Variants in BTN3A1 observed in about 807,000 individuals in gnomAD.
BTN3A1 encodes the protein dJ45P21.3 (butyrophilin, subfamily 3, member A1).
A neutral mutation model predicts 43.0 loss-of-function variants in BTN3A1; 24 were observed. That is an observed-to-expected ratio of 0.56 (90% CI 0.40 to 0.78). BTN3A1 has a LOEUF of 0.78. Ranked by LOEUF, BTN3A1 falls within the 30% of genes least tolerant of loss-of-function variation. The pLI, the probability that BTN3A1 is intolerant of heterozygous loss-of-function variation, is 0.00. For missense variants in BTN3A1, 533 were observed against 626.2 expected (o/e 0.85, Z 1.59); for synonymous variants, 181 against 234.7 (o/e 0.77, Z 2.09).
At chr6:26,405,261 TG>T in intron 1 of BTN3A1, 110 bp from the exon 2 acceptor site, 1 of 440,440 alleles carries the variant, frequency 2.3e-6, no homozygotes, top group Non-Finnish European at 4.2e-6. Flanking sequence ...GGGTTGGACT[TG>T]GCAGGGGAAG....
intron 9 of BTN3A1, chr6:26,412,229 A>C: frequency 3.5e-6 from 2 of 573,484 alleles, no homozygotes; most frequent in Non-Finnish European, 6.4e-6. Context: ...CCACTCCTAC[A>C]CTGGGACGGC....
At chr6:26,410,304 C>T (rs924194422) in intron 7 of BTN3A1, among the ~76,000 whole-genome samples, 1 of 151,782 alleles carries the variant, frequency 6.6e-6, no homozygotes, top group African/African-American at 2.4e-5. Flanking sequence ...CAGCTGGTCT[C>T]GAAGAAAAGA....
chr6:26,405,909 C>T lies in BTN3A1; in HGVS notation c.86C>T (p.Ala29Val). The change falls in exon 3 of 10, where the codon GCT becomes GTT. Residue 29 changes from alanine (A) to valine (V), a missense_variant and splice_region_variant. This residue lies in a region of BTN3A1 where 56 missense variants were observed against 67.1 expected (regional missense o/e 0.83). Coordinates refer to ENST00000289361, the MANE Select transcript of BTN3A1 (RefSeq NM_007048.6). ...CAGATCCTCCCCCTTGTGCCTACAG[C>T]TCAGTTTTCTGTGCTTGGACCCTCT... ...LLLQLLMPHS[A>V]QFSVLGPSGP... The T allele has an allele frequency of 6.2e-7, 1 of 1,613,768 alleles. No individual in the cohort carries two copies. The highest frequency in any genetic ancestry group is 8.5e-7 in the Non-Finnish European group (1 of 1,179,708).
At position 26,407,683 on chromosome 6, in the gene BTN3A1, A is replaced by G. The variant is rs996134212; in HGVS notation, c.446A>G (p.Asp149Gly). 6.2e-7 allele frequency: 1 copy of G among 1,614,172 alleles called. No individual in the cohort carries two copies. The highest frequency in any genetic ancestry group is 8.5e-7 in the Non-Finnish European group (1 of 1,180,028). Reference sequence around the variant, plus strand: ...CATCCTTCCACAGCACTGGGTTCTGATCTTCACGTTGATGTGAAGGGTTAC... The same window carrying G: ...CATCCTTCCACAGCACTGGGTTCTGGTCTTCACGTTGATGTGAAGGGTTAC... ...VELKVAALGS[D>G]LHVDVKGYKD... The change falls in exon 4 of 10, where the codon GAT (aspartate) becomes GGT (glycine). Residue 149 changes from aspartate to glycine, a missense_variant. Transcript: ENST00000289361.
Position 26,411,432 on chromosome 6 carries a change from G to A in BTN3A1, c.992-123G>A. 3 of 1,247,060 alleles carry A rather than the reference G, an allele frequency of 2.4e-6. No homozygotes were observed. In the South Asian group the frequency reaches 3.9e-5, roughly 16 times the overall value. 77.2% of individuals were successfully genotyped at this position (1,247,060 alleles called of 1,614,324 possible). On this transcript the variant is annotated intron_variant, in intron 8 of 9. Transcript: ENST00000289361. ...CTGATCCATCAGAGCTGTAGAAGAG[G>A]GAGGCTGGACCCTGGAAGAGACTCT...
intron 9 of BTN3A1, chr6:26,412,878 A>T: frequency 6.7e-7 from 1 of 1,499,298 alleles, no homozygotes; most frequent in Non-Finnish European, 8.9e-7. Flanking sequence ...GGGAAACAAG[A>T]AAAACGTAGA....
chr6:26,405,648 G>A lies in BTN3A1; in HGVS notation c.85G>A (p.Ala29Thr), dbSNP rs904782252. ...GCTTCAGCTGCTCATGCCTCACTCA[G>A]GTAGGGAACAATTCCACGCTTGTTT... The part of the protein sequence containing the change: ...LLLQLLMPHS[A>T]QFSVLGPSGP... The change falls in exon 2 of 10, where the codon GCT becomes ACT. Residue 29 changes from alanine (A) to threonine (T), a missense_variant and splice_region_variant. Ala to Thr is a moderately conservative substitution (Grantham distance 58, BLOSUM62 0). Around this residue, in one of 4 missense-constraint regions of BTN3A1, gnomAD observed 56 missense variants for 67.1 expected, o/e 0.83. Transcript: ENST00000289361. 2 of 1,613,986 alleles carry A rather than the reference G, an allele frequency of 1.2e-6. No homozygotes were observed. Among genetic ancestry groups the A allele is most frequent in the Admixed American group, 3.3e-5 (2 of 60,008 alleles).
At chr6:26,412,913 C>G in intron 9 of BTN3A1, 1 of 1,478,910 alleles carries the variant, frequency 6.8e-7, no homozygotes, top group African/African-American at 1.4e-5. Flanking sequence ...CTTCCTGAGG[C>G]CGCGTCAGGG....
chr6:26,409,640 G>C lies in BTN3A1; in HGVS notation c.823G>C (p.Glu275Gln), dbSNP rs775927679. 3 of 1,600,666 alleles carry C rather than the reference G, an allele frequency of 1.9e-6. No homozygotes were observed. The highest frequency in any genetic ancestry group is 2.5e-6 in the Non-Finnish European group (3 of 1,176,548). ...CGGTTACTTCCTGTGGCAACAGCAG[G>C]AGGAAAAAAAGACTCAGTTCAGAAA... ...GAGYFLWQQQEEKKTQFRKKK... is the reference protein window; with the variant it reads ...GAGYFLWQQQQEKKTQFRKKK... The change falls in exon 5 of 10, where the codon GAG (glutamate) becomes CAG (glutamine). Residue 275 changes from glutamate (E) to glutamine (Q), a missense_variant. Transcript: ENST00000289361.
At chr6:26,412,267 C>T (rs866982240) in intron 9 of BTN3A1, 5 of 580,184 alleles carry the variant, frequency 8.6e-6, no homozygotes, top group Non-Finnish European at 1.2e-5. Flanking sequence ...TACTGGAACC[C>T]AGAATAAGAA....
At chr6:26,406,499 G>C (rs1253596113) in intron 3 of BTN3A1, among the ~76,000 whole-genome samples, 5 of 152,320 alleles carry the variant, frequency 3.3e-5, no homozygotes, top group African/African-American at 4.8e-5. Flanking sequence ...GAGATATAAG[G>C]GAAGTGAAGG....
At chr6:26,409,164 G>T (rs1274072001) in intron 4 of BTN3A1, among the ~76,000 whole-genome samples, 1 of 150,180 alleles carries the variant, frequency 6.7e-6, no homozygotes, top group Non-Finnish European at 1.5e-5. Flanking sequence ...TTAAGAAAGG[G>T]AGGGTGGGAG....
rs1762012277 is a variant in BTN3A1, at chr6:26,406,125, G to A, written c.302G>A (p.Arg101Gln). The A allele has an allele frequency of 3.2e-6, 5 of 1,570,710 alleles. No homozygotes were observed. The highest frequency in any genetic ancestry group is 4.3e-6 in the Non-Finnish European group (5 of 1,152,270). ...TATCGAGGGAGAACTTCGATTCTGC[G>A]GGATGGCATCACTGCAGGGAAGGCT... ...APYRGRTSIL[R>Q]DGITAGKAAL... Residue 101 changes from arginine (R) to glutamine (Q), a missense_variant, in exon 3 of 10, where the codon CGG (arginine) becomes CAG (glutamine). This residue lies in a region of BTN3A1 where 51 missense variants were observed against 90.9 expected (regional missense o/e 0.56). Coordinates refer to ENST00000289361, the MANE Select transcript of BTN3A1 (RefSeq NM_007048.6).
chr6:26,405,828 C>A, intron 2 of BTN3A1, 81 bp from the exon 3 acceptor site: 1 of 1,610,324 alleles, frequency 6.2e-7, no homozygotes, highest in South Asian at 1.1e-5. Context: ...TGTATCTCGC[C>A]TTCCCTGTCT....
At chr6:26,411,481 A>G in intron 8 of BTN3A1, 74 bp from the exon 9 acceptor site, 1 of 1,514,032 alleles carries the variant, frequency 6.6e-7, no homozygotes, top group Non-Finnish European at 9.1e-7. Flanking sequence ...GAAAACATGT[A>G]GTGAGGGGAG....
intron 2 of BTN3A1, 113 bp from the exon 3 acceptor site, chr6:26,405,795 TC>T (rs1360855446): frequency 1.3e-6 from 2 of 1,592,456 alleles, no homozygotes; most frequent in Non-Finnish European, 1.7e-6. Flanking sequence ...TCTGTTAAGA[TC>T]AGTTTCCCCC....
At chr6:26,408,087 C>T in intron 4 of BTN3A1, 135 bp downstream of exon 4, 1 of 1,390,194 alleles carries the variant, frequency 7.2e-7, no homozygotes, top group Non-Finnish European at 9.6e-7. Flanking sequence ...GGAGGCTCCT[C>T]CTTGCACCGG....
chr6:26,404,981 G>A (rs897960496), intron 1 of BTN3A1, among the ~76,000 whole-genome samples: 1 of 152,196 alleles, frequency 6.6e-6, no homozygotes, highest in African/African-American at 2.4e-5. Flanking sequence ...GAAAGAAAAG[G>A]TAAGTAAGGC....
At position 26,405,613 on chromosome 6, in the gene BTN3A1, G is replaced by C. The variant is rs770798335; in HGVS notation, c.50G>C (p.Cys17Ser). The C allele has an allele frequency of 2.5e-6, 4 of 1,614,106 alleles. No homozygotes were observed. The East Asian group carries it at 8.9e-5, about 36-fold the overall frequency. ...TTCCTTCTGCTCAACTTTCGTGTCT[G>C]CCTCCTTTTGCTTCAGCTGCTCATG... ...LAFLLLNFRV[C>S]LLLLQLLMPH... The change falls in exon 2 of 10, where the codon TGC becomes TCC. Residue 17 changes from cysteine to serine, a missense_variant. Physicochemically the swap from Cys to Ser is moderately radical, Grantham distance 112. This residue lies in a region of BTN3A1 where 56 missense variants were observed against 67.1 expected (regional missense o/e 0.83). Transcript: ENST00000289361.
Sources: gnomAD v4.1 joint callset for allele counts (sites outside exome capture counted in the v4.1 genomes callset) on GRCh38, gnomAD v4.1.1 for gene constraint, gnomAD v4.1.1 regional missense constraint, MANE v1.5 for transcripts, NCBI Gene and HGNC (gene_info 2026-07-23, HGNC 2026-07-21) for gene names.